Variants in CSMD1 observed in about 807,000 individuals in gnomAD.
The protein encoded by CSMD1 is CUB and Sushi multiple domains 1, also known as CUB and sushi domain-containing protein 1.
In CSMD1, 213 loss-of-function variants were observed where a neutral mutation model predicts 417.5. That is an observed-to-expected ratio of 0.51 (90% confidence interval 0.46 to 0.57). CSMD1 has a LOEUF of 0.57. Among genes scored for constraint, CSMD1 ranks in the 20% least tolerant of loss-of-function variants. The pLI is 0.00. For missense variants in CSMD1, 6,923 were observed against 4,529.7 expected, an observed-to-expected ratio of 1.53 and a Z score of -15.17; for synonymous variants, 2,862 against 1,736.8, an observed-to-expected ratio of 1.65 and a Z score of -16.11.
At position 4,420,156 on chromosome 8, in the gene CSMD1, G is replaced by A. The variant is rs1368324416; in HGVS notation, c.303-91C>T. ...ATGAAGTCACTGAATAACTTGAACA[G>A]TGGTATATTCACTTGAAATATGGCA... On this transcript the variant is annotated intron_variant, in intron 2 of 69. Transcript: ENST00000635120. The A allele has an allele frequency of 5.0e-6, 4 of 800,590 alleles. No individual in the cohort carries two copies. In the African/African-American group the frequency reaches 5.1e-5, roughly 10 times the overall value. The allele number at this position is 800,590 out of a possible 1,614,324, so 49.6% of individuals were successfully genotyped here. A position where few individuals can be genotyped will look rare whatever the true frequency, so the allele number is the denominator to read the frequency against.
intron 1 of CSMD1, among the ~76,000 whole-genome samples, chr8:4,756,705 G>A (rs1811690356): frequency 6.6e-6 from 1 of 152,106 alleles, no homozygotes; most frequent in Non-Finnish European, 1.5e-5. Flanking sequence ...TCACCCCATG[G>A]TTCCATATTT....
intron 5 of CSMD1, among the ~76,000 whole-genome samples, chr8:3,870,243 T>A (rs1281805660): frequency 1.3e-5 from 2 of 152,196 alleles, no homozygotes; most frequent in African/African-American, 4.8e-5. Flanking sequence ...AATAGTACAC[T>A]GAAATTAAGA....
chr8:4,353,448 T>C (rs1312300068), intron 3 of CSMD1, among the ~76,000 whole-genome samples: 1 of 152,102 alleles, frequency 6.6e-6, no homozygotes, highest in Non-Finnish European at 1.5e-5. Flanking sequence ...AGTATGTCTT[T>C]ATTAGCAGTG....
chr8:3,717,498 C>A (rs901893493), intron 6 of CSMD1, among the ~76,000 whole-genome samples: 2 of 152,104 alleles, frequency 1.3e-5, no homozygotes, highest in African/African-American at 4.8e-5. Context: ...CTTAGTTCAG[C>A]TAAAAACAGG....
intron 2 of CSMD1, among the ~76,000 whole-genome samples, chr8:4,544,129 C>G (rs1042482407): frequency 1.7e-4 from 26 of 152,150 alleles, no homozygotes; most frequent in African/African-American, 6.0e-4. Flanking sequence ...TGCATAAAGT[C>G]CAACTTAAAT....
intron 1 of CSMD1, among the ~76,000 whole-genome samples, chr8:4,738,334 G>C (rs554041559): frequency 6.6e-6 from 1 of 152,294 alleles, no homozygotes; most frequent in East Asian, 1.9e-4. Context: ...ATTTCAGCAT[G>C]GGCGAAGAGG....
At chr8:2,996,154 C>T (rs975086168) in intron 54 of CSMD1, among the ~76,000 whole-genome samples, 19 of 151,394 alleles carry the variant, frequency 1.3e-4, no homozygotes, top group African/African-American at 4.6e-4. Flanking sequence ...ACTCATTCAA[C>T]AGAGAAAAGG....
chr8:3,973,685 A>G (rs772619098), intron 5 of CSMD1, among the ~76,000 whole-genome samples: 2 of 152,178 alleles, frequency 1.3e-5, no homozygotes, highest in African/African-American at 2.4e-5. Flanking sequence ...TACTGGCAAC[A>G]GAGGTGTGAA....
At chr8:3,242,515 A>T (rs879904933) in intron 26 of CSMD1, among the ~76,000 whole-genome samples, 6 of 152,150 alleles carry the variant, frequency 3.9e-5, no homozygotes, top group Non-Finnish European at 8.8e-5. Flanking sequence ...TAGATCTTGC[A>T]GGGTGGAAAA....
At chr8:4,191,199 A>C (rs1357698853) in intron 3 of CSMD1, among the ~76,000 whole-genome samples, 1 of 152,198 alleles carries the variant, frequency 6.6e-6, no homozygotes, top group Non-Finnish European at 1.5e-5. Context: ...GATTGAGACC[A>C]TCCCGGCTAA....
intron 3 of CSMD1, among the ~76,000 whole-genome samples, chr8:4,036,153 A>T (rs1483271555): frequency 1.3e-5 from 2 of 152,154 alleles, no homozygotes; most frequent in Non-Finnish European, 2.9e-5. Context: ...TAGGCCGCAA[A>T]ACTTGGGTTT....
At chr8:4,313,448 C>A (rs1003773522) in intron 3 of CSMD1, among the ~76,000 whole-genome samples, 1 of 148,346 alleles carries the variant, frequency 6.7e-6, no homozygotes, top group Non-Finnish European at 1.5e-5. Flanking sequence ...TAATTCTCCT[C>A]TGAAAATGTT....
At chr8:4,112,838 A>G (rs1447391675) in intron 3 of CSMD1, among the ~76,000 whole-genome samples, 1 of 152,132 alleles carries the variant, frequency 6.6e-6, no homozygotes, top group Admixed American at 6.5e-5. Flanking sequence ...ACTGTATTGC[A>G]CTTTGCTGAT....
At chr8:4,572,932 T>C (rs1448100521) in intron 2 of CSMD1, among the ~76,000 whole-genome samples, 1 of 152,210 alleles carries the variant, frequency 6.6e-6, no homozygotes, top group Non-Finnish European at 1.5e-5. Context: ...TGTGTATGCG[T>C]CATGAAGTCC....
intron 3 of CSMD1, among the ~76,000 whole-genome samples, chr8:4,201,178 T>G (rs1010882395): frequency 3.3e-5 from 5 of 152,168 alleles, no homozygotes; most frequent in African/African-American, 1.2e-4. Flanking sequence ...TTAAGTACTG[T>G]TGTGTATGCA....
At chr8:3,787,258 T>C (rs766230331) in intron 5 of CSMD1, among the ~76,000 whole-genome samples, 11 of 152,216 alleles carry the variant, frequency 7.2e-5, no homozygotes, top group Middle Eastern at 6.8e-3. Context: ...TTGAAAAAAC[T>C]TGTGAGTTGT....
chr8:3,734,370 T>G (rs544484736), intron 6 of CSMD1, among the ~76,000 whole-genome samples: 6 of 152,126 alleles, frequency 3.9e-5, no homozygotes, highest in Admixed American at 2.6e-4. Context: ...CGTAGAAAAA[T>G]GGATTTGCTT....
chr8:4,683,916 C>A (rs1806207127), intron 1 of CSMD1, among the ~76,000 whole-genome samples: 1 of 152,144 alleles, frequency 6.6e-6, no homozygotes, highest in Non-Finnish European at 1.5e-5. Flanking sequence ...GATATGTGAG[C>A]AGCATGTCAT....
Position 4,308,015 on chromosome 8 carries a change from G to T in CSMD1, c.415+111938C>A, listed in dbSNP as rs544013205. Among the ~76,000 whole-genome samples, 9 of 152,226 alleles carry T rather than the reference G, an allele frequency of 5.9e-5. No individual in the cohort carries two copies. In the South Asian group the frequency reaches 1.9e-3, roughly 32 times the overall value. On this transcript the variant is annotated intron_variant, in intron 3 of 69. Transcript: ENST00000635120. ...AGGCTGGGATGTAAACAGTGATGGT[G>T]GGCATACTACAGAGCAACGCCAGAC...
Sources: gnomAD v4.1 joint callset for allele counts (sites outside exome capture counted in the v4.1 genomes callset) on GRCh38, gnomAD v4.1.1 for gene constraint, MANE v1.5 for transcripts, NCBI Gene and HGNC (gene_info 2026-07-23, HGNC 2026-07-21) for gene names.